The following NBAS variants were observed in gnomAD, a reference collection of about 807,000 sequenced individuals.
NBAS encodes NAG/BC035112 fusion.
NBAS carries 219 observed loss-of-function variants against 302.5 expected under a neutral mutation model. That is an observed-to-expected ratio of 0.72 (90% confidence interval 0.65 to 0.81). The LOEUF is 0.81. Among genes scored for constraint, NBAS ranks in the 30% least tolerant of loss-of-function variants. The pLI is 0.00. For synonymous variants in NBAS, 1,118 were observed against 1,021.6 expected (o/e 1.09, Z -1.80); for missense variants, 2,932 against 2,841.6 (o/e 1.03, Z -0.72).
At chr2:15,495,854 C>T (rs903478553) in intron 11 of NBAS, among the ~76,000 whole-genome samples, 5 of 152,020 alleles carry the variant, frequency 3.3e-5, no homozygotes, top group African/African-American at 9.7e-5. Context: ...AAAATGGTGC[C>T]GCCACCTTGG....
the NBAS span, among the ~76,000 whole-genome samples, chr2:15,100,481 T>C: frequency 1.3e-5 from 2 of 152,216 alleles, no homozygotes; most frequent in Non-Finnish European, 2.9e-5. Flanking sequence ...AAGGGAAATT[T>C]AAAATAGTAG....
At chr2:14,906,679 G>A in the NBAS span, among the ~76,000 whole-genome samples, 1 of 152,168 alleles carries the variant, frequency 6.6e-6, no homozygotes, top group Non-Finnish European at 1.5e-5. Context: ...ACCAGAATCT[G>A]GGGCAGAACA....
the NBAS span, among the ~76,000 whole-genome samples, chr2:14,953,463 G>A: frequency 2.0e-5 from 3 of 152,236 alleles, no homozygotes; most frequent in Non-Finnish European, 4.4e-5. Flanking sequence ...TCTTCACAAT[G>A]AAAGGGTGCA....
chr2:15,203,870 CTGTGTGTGTGTGTGTGTGCTTG>C (rs1467495508), intron 48 of NBAS, among the ~76,000 whole-genome samples: 5 of 128,206 alleles, frequency 3.9e-5, no homozygotes, highest in Non-Finnish European at 6.9e-5. Flanking sequence ...GTGTCTGTGT[CTGTGTGTGTGTGTGTGTGCTTG>C]TGTGTGTGTG....
At chr2:15,388,850 C>A (rs1675443119) in intron 28 of NBAS, among the ~76,000 whole-genome samples, 1 of 151,914 alleles carries the variant, frequency 6.6e-6, no homozygotes, top group South Asian at 2.1e-4. Context: ...AGGAATCTCA[C>A]AAACATAACG....
intron 44 of NBAS, among the ~76,000 whole-genome samples, chr2:15,251,404 T>A (rs972897274): frequency 4.6e-5 from 7 of 152,178 alleles, no homozygotes; most frequent in Admixed American, 6.5e-5. Context: ...CATGTATACC[T>A]ATGAAACAAA....
At chr2:15,077,097 G>A in the NBAS span, among the ~76,000 whole-genome samples, 4 of 152,164 alleles carry the variant, frequency 2.6e-5, no homozygotes, top group African/African-American at 9.7e-5. Context: ...AAAGAAAAGA[G>A]GTTAAATTGA....
the NBAS span, among the ~76,000 whole-genome samples, chr2:15,016,180 GTGAAAGTCA>G: frequency 6.6e-6 from 1 of 152,104 alleles, no homozygotes; most frequent in Non-Finnish European, 1.5e-5. Context: ...ATGGCAGAAG[GTGAAAGTCA>G]CATCTTACAT....
the NBAS span, among the ~76,000 whole-genome samples, chr2:14,931,787 G>A: frequency 6.6e-6 from 1 of 152,136 alleles, no homozygotes; most frequent in African/African-American, 2.4e-5. Context: ...TCTCCAAAAA[G>A]CAGCAGCCCT....
At chr2:15,452,243 G>T (rs528916385) in intron 21 of NBAS, among the ~76,000 whole-genome samples, 144 of 152,032 alleles carry the variant, frequency 9.5e-4, no homozygotes, top group Non-Finnish European at 1.9e-3. Context: ...AGTTAAGATG[G>T]CAAATTTTAT....
At chr2:15,484,127 C>T (rs1680532702) in intron 12 of NBAS, among the ~76,000 whole-genome samples, 1 of 152,146 alleles carries the variant, frequency 6.6e-6, no homozygotes. Context: ...TGGTAAACAA[C>T]TGTATTACAC....
chr2:15,420,659 GGAAA>G (rs1677167663), intron 23 of NBAS, among the ~76,000 whole-genome samples: 2 of 152,138 alleles, frequency 1.3e-5, no homozygotes, highest in African/African-American at 4.8e-5. Flanking sequence ...AGCAAGGTAA[GGAAA>G]GAAAGTGGCT....
chr2:14,965,771 T>TAA, the NBAS span, among the ~76,000 whole-genome samples: 52 of 150,922 alleles, frequency 3.4e-4, no homozygotes, highest in Middle Eastern at 3.4e-3. Flanking sequence ...TGCAAAATTC[T>TAA]AAAAAAAAAA....
At position 15,464,795 on chromosome 2, in the gene NBAS, A is replaced by C. The variant is rs541203517; in HGVS notation, c.2097+2534T>G. 2.6e-5 allele frequency among the ~76,000 whole-genome samples: 4 copies of C among 152,258 alleles called. No homozygotes were observed. The East Asian group carries it at 7.7e-4, about 29-fold the overall frequency. On this transcript the variant is annotated intron_variant, in intron 19 of 51. Transcript: ENST00000281513. ...AGGAGACCTTTCCAAACATCACCAC[A>C]AACTATTCTAACCATACTTCCCACC... is the stretch of plus-strand genomic sequence containing the variant.
At chr2:15,302,143 A>C (rs1269760004) in intron 40 of NBAS, among the ~76,000 whole-genome samples, 4 of 152,154 alleles carry the variant, frequency 2.6e-5, no homozygotes, top group African/African-American at 9.7e-5. Flanking sequence ...ACAAATGGAG[A>C]GGTGGTAACT....
intron 6 of NBAS, among the ~76,000 whole-genome samples, chr2:15,540,729 GTT>G (rs35180334): frequency 5.5e-5 from 8 of 146,174 alleles, no homozygotes; most frequent in Admixed American, 6.8e-5. Context: ...TTTGTTTTTT[GTT>G]TTTTTTTTTG....
At chr2:15,268,599 C>T (rs927927209) in intron 44 of NBAS, among the ~76,000 whole-genome samples, 10 of 152,148 alleles carry the variant, frequency 6.6e-5, no homozygotes, top group African/African-American at 2.4e-4. Context: ...AATCTGGGGG[C>T]CACCTCGCTG....
the NBAS span, among the ~76,000 whole-genome samples, chr2:14,864,741 T>A: frequency 6.6e-6 from 1 of 152,164 alleles, no homozygotes. Flanking sequence ...AGCAGTTGAT[T>A]TAACACCTCC....
At chr2:15,367,959 T>C (rs1674290979) in intron 31 of NBAS, among the ~76,000 whole-genome samples, 1 of 152,206 alleles carries the variant, frequency 6.6e-6, no homozygotes, top group Non-Finnish European at 1.5e-5. Context: ...CCTTCCTCTG[T>C]ATATTCACAC....
Sources: gnomAD v4.1 joint callset for allele counts (sites outside exome capture counted in the v4.1 genomes callset) on GRCh38, gnomAD v4.1.1 for gene constraint, MANE v1.5 for transcripts, NCBI Gene and HGNC (gene_info 2026-07-23, HGNC 2026-07-21) for gene names.